LARP1B: variants seen among roughly 807,000 people sequenced by gnomAD.
The protein encoded by LARP1B is la-related protein 1B.
In LARP1B, 76 loss-of-function variants were observed where a neutral mutation model predicts 114.2. The ratio of observed to expected loss-of-function variants is 0.67; its 90% CI spans 0.55 to 0.81. The LOEUF is 0.81. LARP1B is among the 30% of genes least tolerant of loss of function. The pLI is 0.00. For synonymous variants in LARP1B, 345 were observed against 348.0 expected (o/e 0.99, Z 0.10); for missense variants, 1,014 against 1,075.8 (o/e 0.94, Z 0.80).
At position 128,073,937 on chromosome 4, in the gene LARP1B, CTG is replaced by C. The variant is rs540508225; in HGVS notation, c.-77-519_-77-518del. On this transcript the variant is annotated intron_variant, in intron 1 of 19. Coordinates refer to ENST00000326639, the MANE Select transcript of LARP1B (RefSeq NM_018078.4). The stretch of plus-strand genomic sequence containing the variant: ...TGTTCTGTCAGTTCAGTGTAATACG[CTG>C]TGTTTTTTTTTGTTTTTTGTGGTGG... Among the ~76,000 whole-genome samples, 32 of 150,578 alleles carry C rather than the reference CTG, an allele frequency of 2.1e-4. No individual in the cohort carries two copies. In the South Asian group the frequency reaches 6.5e-3, roughly 30 times the overall value.
intron 11 of LARP1B, among the ~76,000 whole-genome samples, chr4:128,149,355 T>C (rs908050435): frequency 1.3e-5 from 2 of 152,128 alleles, no homozygotes; most frequent in Non-Finnish European, 2.9e-5. Flanking sequence ...ATGATCAAAA[T>C]AGTGGTTTAA....
chr4:128,189,809 T>G (rs770181764), intron 15 of LARP1B, among the ~76,000 whole-genome samples: 5 of 152,150 alleles, frequency 3.3e-5, no homozygotes, highest in Non-Finnish European at 7.4e-5. Context: ...AGGGAAAAAC[T>G]AAAAAACTCT....
At chr4:128,097,233 G>A (rs1326513664) in intron 7 of LARP1B, among the ~76,000 whole-genome samples, 1 of 152,102 alleles carries the variant, frequency 6.6e-6, no homozygotes, top group Non-Finnish European at 1.5e-5. Context: ...ATCAAAGAAA[G>A]AAGCATGGAG....
chr4:128,155,826 G>C (rs549936777), intron 11 of LARP1B: 2 of 1,580,764 alleles, frequency 1.3e-6, no homozygotes, highest in South Asian at 1.1e-5. Flanking sequence ...AGAAATCAGG[G>C]CTGCAGCGAG....
At chr4:128,079,240 C>T (rs1769252814) in intron 4 of LARP1B, among the ~76,000 whole-genome samples, 1 of 150,736 alleles carries the variant, frequency 6.6e-6, no homozygotes, top group Non-Finnish European at 1.5e-5. Context: ...GATTACAGGC[C>T]CATGCTACCA....
chr4:128,061,649 T>G (rs1760147088), intron 1 of LARP1B: 1 of 982,646 alleles, frequency 1.0e-6, no homozygotes, highest in South Asian at 4.7e-5. Context: ...TCGGGTTCCC[T>G]GGCCTCGGGG....
At chr4:128,106,837 A>T (rs916344807) in intron 8 of LARP1B, among the ~76,000 whole-genome samples, 7 of 152,152 alleles carry the variant, frequency 4.6e-5, no homozygotes, top group African/African-American at 1.7e-4. Flanking sequence ...AGGAAATATG[A>T]GAGAGAAGAA....
chr4:128,098,005 C>A (rs1225921895), intron 7 of LARP1B, among the ~76,000 whole-genome samples, 181 bp from the exon 8 acceptor site: 1 of 152,034 alleles, frequency 6.6e-6, no homozygotes. Flanking sequence ...ATTATTAATT[C>A]AGTAGAGTTT....
intron 5 of LARP1B, among the ~76,000 whole-genome samples, chr4:128,087,715 TTAAATTA>T: frequency 6.6e-6 from 1 of 152,298 alleles, no homozygotes; most frequent in African/African-American, 2.4e-5. Flanking sequence ...AATATGACTT[TTAAATTA>T]TAAAACTTTA....
intron 4 of LARP1B, among the ~76,000 whole-genome samples, chr4:128,080,379 A>T (rs79866776): frequency 0.05 from 7,551 of 152,266 alleles, 271 homozygotes; most frequent in Non-Finnish European, 0.082. Context: ...CTTTTAATTG[A>T]TCTAGAGTAC....
At chr4:128,160,852 G>T (rs1179318370) in intron 11 of LARP1B, among the ~76,000 whole-genome samples, 1 of 152,152 alleles carries the variant, frequency 6.6e-6, no homozygotes, top group Non-Finnish European at 1.5e-5. Flanking sequence ...GGCTAACATT[G>T]GGATTTAATA....
intron 11 of LARP1B, among the ~76,000 whole-genome samples, chr4:128,148,297 G>A (rs1938066816): frequency 1.3e-5 from 2 of 152,032 alleles, no homozygotes; most frequent in African/African-American, 4.8e-5. Flanking sequence ...TGGGCGTGGT[G>A]GTGGGCGCCT....
chr4:128,198,493 C>G (rs1754980894), intron 15 of LARP1B, among the ~76,000 whole-genome samples: 1 of 152,158 alleles, frequency 6.6e-6, no homozygotes. Context: ...TTTCTAATTG[C>G]AAGTGCATAA....
chr4:128,186,095 T>C (rs1009947609), intron 15 of LARP1B, among the ~76,000 whole-genome samples: 1 of 152,200 alleles, frequency 6.6e-6, no homozygotes, highest in African/African-American at 2.4e-5. Flanking sequence ...TATTATATTT[T>C]GAAGTTGGGT....
At chr4:128,138,607 C>T (rs1726493940) in intron 11 of LARP1B, among the ~76,000 whole-genome samples, 1 of 152,082 alleles carries the variant, frequency 6.6e-6, no homozygotes, top group Non-Finnish European at 1.5e-5. Context: ...CTGAGCTGTA[C>T]ATAAGAAATT....
At chr4:128,187,071 G>C (rs529929579) in intron 15 of LARP1B, among the ~76,000 whole-genome samples, 1 of 152,336 alleles carries the variant, frequency 6.6e-6, no homozygotes, top group South Asian at 2.1e-4. Context: ...TGCTGTAGGG[G>C]CAGAGCCCTC....
At chr4:128,105,462 G>C (rs543542842) in intron 8 of LARP1B, among the ~76,000 whole-genome samples, 9 of 152,272 alleles carry the variant, frequency 5.9e-5, no homozygotes, top group African/African-American at 2.2e-4. Flanking sequence ...GAAAATATAT[G>C]TTGGGAAAAA....
At chr4:128,208,771 G>A (rs1758271703) in intron 19 of LARP1B, among the ~76,000 whole-genome samples, 1 of 152,036 alleles carries the variant, frequency 6.6e-6, no homozygotes, top group Admixed American at 6.6e-5. Flanking sequence ...CTTTTCACTG[G>A]GTACTTAAAC....
rs765851683 is a variant in LARP1B, at chr4:128,121,888, A to C, written c.1224A>C (p.Gln408His). The stretch of plus-strand genomic sequence containing the variant: ...TATGTTCTTCAGAAGAACCAGAACA[A>C]GAAGAACTTGATTTTTTGTTTGATG... ...NQLCSSEEPE[Q>H]EELDFLFDEE... Residue 408 changes from glutamine (Q) to histidine (H), a missense_variant, in exon 11 of 20, where the codon CAA (glutamine) becomes CAC (histidine). Gln to His is a conservative substitution (Grantham distance 24). Transcript: ENST00000326639. 9.9e-6 allele frequency: 16 copies of C among 1,612,288 alleles called. No homozygotes were observed. Among genetic ancestry groups the C allele is most frequent in the Non-Finnish European group, 1.4e-5 (16 of 1,179,566 alleles).
Sources: gnomAD v4.1 joint callset for allele counts (sites outside exome capture counted in the v4.1 genomes callset) on GRCh38, gnomAD v4.1.1 for gene constraint, MANE v1.5 for transcripts, NCBI Gene and HGNC (gene_info 2026-07-23, HGNC 2026-07-21) for gene names.